The following MYO5B variants were observed in gnomAD, a reference collection of about 807,000 sequenced individuals.
MYO5B encodes myosin VB, also known as unconventional myosin-Vb.
A neutral mutation model predicts 229.3 loss-of-function variants in MYO5B; 143 were observed. The observed-to-expected ratio is 0.62, with a 90% CI of 0.54 to 0.72. The LOEUF (loss-of-function observed/expected upper bound fraction) is 0.72, where lower values mean the gene tolerates loss of function less well. Among genes scored for constraint, MYO5B ranks in the 30% least tolerant of loss-of-function variants. The probability of loss-of-function intolerance (pLI) is 0.00; values close to 1 mark genes in which losing one functional copy is unlikely to be tolerated. For missense variants in MYO5B, 2,321 were observed against 2,331.0 expected, an observed-to-expected ratio of 1.00 and a Z score of 0.09; for synonymous variants, 918 against 885.2, an observed-to-expected ratio of 1.04 and a Z score of -0.66.
Position 50,194,750 on chromosome 18 carries a change from C to G in MYO5B, c.27+17G>C. The G allele has an allele frequency of 6.8e-7, 1 of 1,480,102 alleles. No homozygotes were observed. Among genetic ancestry groups the G allele is most frequent in the Non-Finnish European group, 8.9e-7 (1 of 1,119,194 alleles). 91.7% of individuals were successfully genotyped at this position (1,480,102 alleles called of 1,614,324 possible). ...GCCACCCCGGCCCCGGGGCGCCTCC[C>G]TCGCGGCCGCGCTCACCTGGCTGTA... On this transcript the variant is annotated intron_variant, in intron 1 of 39. Coordinates refer to ENST00000285039, the MANE Select transcript of MYO5B (RefSeq NM_001080467.3).
intron 32 of MYO5B, 55 bp downstream of exon 32, chr18:49,849,512 G>A: frequency 7.9e-7 from 1 of 1,267,296 alleles, no homozygotes; most frequent in Non-Finnish European, 1.2e-6. Flanking sequence ...CACACCCACA[G>A]GCGTGGCCAA....
chr18:50,110,397 C>A (rs1170835243), intron 1 of MYO5B, among the ~76,000 whole-genome samples: 1 of 152,210 alleles, frequency 6.6e-6, no homozygotes, highest in Non-Finnish European at 1.5e-5. Flanking sequence ...GTATGCCCAG[C>A]AGCTGATAGG....
intron 27 of MYO5B, among the ~76,000 whole-genome samples, chr18:49,869,888 T>C (rs2144090417): frequency 6.6e-6 from 1 of 152,262 alleles, no homozygotes; most frequent in East Asian, 1.9e-4. Context: ...CCACATCTAC[T>C]GCTGGGGAGC....
intron 1 of MYO5B, among the ~76,000 whole-genome samples, chr18:50,142,235 G>A (rs1189917909): frequency 3.9e-5 from 6 of 152,158 alleles, no homozygotes; most frequent in South Asian, 4.1e-4. Flanking sequence ...TCAGGTTGAC[G>A]GAGCAACCCT....
rs1294478297 is a variant in MYO5B, at chr18:49,825,343, T to C, written c.*1128A>G. The C allele has an allele frequency of 2.0e-5, 3 of 152,182 alleles. No homozygotes were observed. The highest frequency in any genetic ancestry group is 4.4e-5 in the Non-Finnish European group (3 of 68,024). The allele number at this position is 152,182 out of a possible 1,614,324, so 9.4% of individuals were successfully genotyped here. A position where few individuals can be genotyped will look rare whatever the true frequency, so the allele number is the denominator to read the frequency against. On this transcript the variant is annotated 3_prime_UTR_variant, in exon 40 of 40. Transcript: ENST00000285039. ...TGTGGGAGAGATATTTACAATTTTTTGTGTGCTAAATTTGAAAAACGTTGA... is the reference window on the plus strand; with the variant it reads ...TGTGGGAGAGATATTTACAATTTTTCGTGTGCTAAATTTGAAAAACGTTGA...
rs775529538 is a variant in MYO5B at position 49,906,588 on chromosome 18, G to A, written c.2245C>T (p.Arg749Ter). 6.2e-6 allele frequency: 10 copies of A among 1,614,022 alleles called. No homozygotes were observed. Among genetic ancestry groups the A allele is most frequent in the South Asian group, 3.3e-5 (3 of 91,090 alleles). The change falls in exon 19 of 40, where the codon CGA (arginine) becomes TGA (stop). Residue 749 changes from arginine to a stop codon, truncating the protein, a stop_gained. Coordinates refer to ENST00000285039, the MANE Select transcript of MYO5B (RefSeq NM_001080467.3). LOFTEE classifies it high-confidence loss of function. ...TCCAGGTAGGCCACCTGGCCTGCTC[G>A]AAAGAAGATCTTGGTGCGGCCAAAC... The part of the protein sequence containing the change: ...FQFGRTKIFF[R>*]AGQVAYLEKL...
chr18:49,962,886 G>A (rs1276541525), intron 11 of MYO5B, 63 bp downstream of exon 11: 3 of 1,379,632 alleles, frequency 2.2e-6, no homozygotes, highest in African/African-American at 1.4e-5. Flanking sequence ...GAAGTGGCCT[G>A]TCTGTCCCTC....
intron 39 of MYO5B, among the ~76,000 whole-genome samples, chr18:49,833,890 G>T (rs2023954577): frequency 6.6e-6 from 1 of 152,092 alleles, no homozygotes; most frequent in Admixed American, 6.5e-5. Flanking sequence ...ATACATGTTG[G>T]TGAGTAGAGA....
intron 1 of MYO5B, among the ~76,000 whole-genome samples, chr18:50,174,027 C>A (rs191878837): frequency 2.8e-4 from 42 of 152,078 alleles, no homozygotes; most frequent in Admixed American, 2.6e-3. Context: ...ATGGGTAGGC[C>A]ATCACCCAAT....
intron 13 of MYO5B, among the ~76,000 whole-genome samples, chr18:49,953,892 A>ATGTGTGTGTG (rs745554559): frequency 7.8e-6 from 1 of 127,558 alleles, no homozygotes; most frequent in African/African-American, 3.3e-5. Context: ...ATATATACAT[A>ATGTGTGTGTG]TATGTGTGTG....
chr18:49,856,289 T>C (rs2144065671), intron 30 of MYO5B, among the ~76,000 whole-genome samples: 1 of 152,346 alleles, frequency 6.6e-6, no homozygotes, highest in South Asian at 2.1e-4. Context: ...GCACTGCACT[T>C]GGCTGCCATC....
At chr18:50,137,002 T>C (rs537751481) in intron 1 of MYO5B, among the ~76,000 whole-genome samples, 19 of 152,276 alleles carry the variant, frequency 1.2e-4, no homozygotes, top group Non-Finnish European at 2.8e-4. Flanking sequence ...TTAAACACTT[T>C]ACAAGGTAGG....
At chr18:49,915,489 C>G (rs138132446) in intron 17 of MYO5B, among the ~76,000 whole-genome samples, 1 of 152,336 alleles carries the variant, frequency 6.6e-6, no homozygotes, top group African/African-American at 2.4e-5. Context: ...GGGCGCAGGG[C>G]GCTTAGAGCA....
intron 4 of MYO5B, among the ~76,000 whole-genome samples, chr18:50,014,587 A>G (rs1425908337): frequency 2.0e-5 from 3 of 152,226 alleles, no homozygotes; most frequent in Admixed American, 1.3e-4. Context: ...TATCTCCTGC[A>G]GTAAATGAAG....
Position 50,178,276 on chromosome 18 carries a change from C to A in MYO5B, c.27+16491G>T, listed in dbSNP as rs140438021. ...AGCCCAAACTGGCACAAAGTAGAAT[C>A]AATGCCACTTCCCACTGATATAACC... On this transcript the variant is annotated intron_variant, in intron 1 of 39. Coordinates refer to ENST00000285039, the MANE Select transcript of MYO5B (RefSeq NM_001080467.3). Among the ~76,000 whole-genome samples, 211 of 152,300 alleles carry A rather than the reference C, an allele frequency of 1.4e-3. 1 individual carries two copies. The highest frequency in any genetic ancestry group is 4.7e-3 in the African/African-American group (196 of 41,578).
intron 11 of MYO5B, among the ~76,000 whole-genome samples, chr18:49,962,688 C>T (rs2025573668): frequency 0.014 from 1 of 70 alleles, no homozygotes; most frequent in Admixed American, 0.12. Flanking sequence ...TGCTTAAATA[C>T]CCTAACACCT....
intron 1 of MYO5B, among the ~76,000 whole-genome samples, chr18:50,096,723 C>G (rs535558407): frequency 2.6e-5 from 4 of 152,154 alleles, no homozygotes; most frequent in Non-Finnish European, 5.9e-5. Context: ...AATACATACT[C>G]TTAAAAAATC....
intron 5 of MYO5B, among the ~76,000 whole-genome samples, chr18:49,993,077 G>A (rs1037321360): frequency 2.6e-5 from 4 of 152,036 alleles, no homozygotes; most frequent in African/African-American, 7.2e-5. Context: ...AACACTAGAC[G>A]ATAATTTTTA....
chr18:49,854,489 C>T (rs1268746665), intron 30 of MYO5B, among the ~76,000 whole-genome samples: 1 of 152,220 alleles, frequency 6.6e-6, no homozygotes, highest in African/African-American at 2.4e-5. Context: ...GCTAATATGA[C>T]CATGATGTTG....
Sources: allele counts gnomAD v4.1 joint callset (sites outside exome capture counted in the v4.1 genomes callset), GRCh38; gene constraint gnomAD v4.1.1; transcripts MANE v1.5; gene names NCBI Gene and HGNC (gene_info 2026-07-23, HGNC 2026-07-21).